FBXL13: variants seen among roughly 807,000 people sequenced by gnomAD.
FBXL13 encodes F-box and leucine-rich repeat protein 13.
A neutral mutation model predicts 83.6 loss-of-function variants in FBXL13; 67 were observed. That is an observed-to-expected ratio of 0.80 (90% CI 0.66 to 0.98). The LOEUF (loss-of-function observed/expected upper bound fraction) is 0.98. Among genes scored for constraint, FBXL13 ranks in the 50% least tolerant of loss-of-function variants. FBXL13 has a pLI of 0.00. For synonymous variants in FBXL13, 272 were observed against 299.5 expected (o/e 0.91, Z 0.95); for missense variants, 822 against 866.5 (o/e 0.95, Z 0.64).
chr7:103,060,864 C>A (rs183471851), intron 1 of FBXL13, among the ~76,000 whole-genome samples: 55 of 152,328 alleles, frequency 3.6e-4, no homozygotes, highest in Non-Finnish European at 6.9e-4. Flanking sequence ...ATCCCCTACC[C>A]CAACCTCTGA....
intron 6 of FBXL13, among the ~76,000 whole-genome samples, chr7:103,018,892 C>G (rs1792742591): frequency 1.3e-5 from 2 of 151,114 alleles, no homozygotes; most frequent in Non-Finnish European, 2.9e-5. Flanking sequence ...CTTTAACACC[C>G]CACTGTCAAC....
chr7:102,980,537 C>A (rs140047032), intron 6 of FBXL13, among the ~76,000 whole-genome samples: 6 of 152,060 alleles, frequency 3.9e-5, no homozygotes, highest in Admixed American at 6.5e-5. Context: ...CAGCACTTTG[C>A]GAGGCTGAGG....
intron 16 of FBXL13, among the ~76,000 whole-genome samples, chr7:102,862,392 T>A (rs1256346384): frequency 6.6e-6 from 1 of 151,868 alleles, no homozygotes; most frequent in African/African-American, 2.4e-5. Flanking sequence ...ATGAATATGT[T>A]TTTTCATTAT....
At chr7:103,013,822 C>A (rs1352403847) in intron 6 of FBXL13, among the ~76,000 whole-genome samples, 3 of 150,636 alleles carry the variant, frequency 2.0e-5, no homozygotes, top group Non-Finnish European at 3.0e-5. Flanking sequence ...CAAAAAAAAA[C>A]CATACAAAAA....
chr7:102,899,519 C>G (rs567528974), intron 11 of FBXL13, among the ~76,000 whole-genome samples: 1 of 152,252 alleles, frequency 6.6e-6, no homozygotes, highest in South Asian at 2.1e-4. Flanking sequence ...ACGCTCCAGG[C>G]CCTGCAAACT....
chr7:102,890,381 C>T (rs1279806994), intron 11 of FBXL13, among the ~76,000 whole-genome samples: 1 of 152,170 alleles, frequency 6.6e-6, no homozygotes, highest in East Asian at 1.9e-4. Context: ...TGGAGCCCTG[C>T]CACCCTGTCC....
At chr7:102,924,473 A>T (rs1817675117) in intron 10 of FBXL13, among the ~76,000 whole-genome samples, 1 of 152,116 alleles carries the variant, frequency 6.6e-6, no homozygotes, top group South Asian at 2.1e-4. Context: ...GAGCATCAGA[A>T]GAAATTTCAA....
At chr7:103,041,924 G>A (rs1007742949) in intron 2 of FBXL13, among the ~76,000 whole-genome samples, 1 of 152,170 alleles carries the variant, frequency 6.6e-6, no homozygotes, top group Non-Finnish European at 1.5e-5. Flanking sequence ...AGACAAGGAT[G>A]CCCTCTCTCA....
At chr7:102,960,004 T>C (rs543738080) in intron 8 of FBXL13, among the ~76,000 whole-genome samples, 2 of 152,254 alleles carry the variant, frequency 1.3e-5, no homozygotes, top group Admixed American at 6.5e-5. Context: ...AAATGTATTT[T>C]AGAAAAACAG....
chr7:102,946,654 AT>A (rs767016373), intron 8 of FBXL13, among the ~76,000 whole-genome samples: 1 of 5,630 alleles, frequency 1.8e-4, no homozygotes, highest in Admixed American at 3.3e-3. Context: ...TTTTTATTTT[AT>A]TTATTTATTT....
At chr7:102,881,953 C>A (rs1198558410) in intron 14 of FBXL13, among the ~76,000 whole-genome samples, 1 of 152,114 alleles carries the variant, frequency 6.6e-6, no homozygotes, top group Non-Finnish European at 1.5e-5. Flanking sequence ...TAATAACAGG[C>A]AACATAGGTT....
chr7:103,022,445 G>A (rs973051263), intron 6 of FBXL13, among the ~76,000 whole-genome samples: 11 of 151,768 alleles, frequency 7.2e-5, no homozygotes, highest in Non-Finnish European at 1.0e-4. Context: ...AAACCTGCAC[G>A]TTGTGCACAT....
At chr7:102,966,865 A>C (rs1826017437) in intron 7 of FBXL13, among the ~76,000 whole-genome samples, 1 of 152,202 alleles carries the variant, frequency 6.6e-6, no homozygotes, top group Non-Finnish European at 1.5e-5. Context: ...AGTATTAGCA[A>C]TATTATTTAT....
intron 1 of FBXL13, among the ~76,000 whole-genome samples, chr7:103,060,039 T>C (rs1163744689): frequency 9.1e-4 from 86 of 95,010 alleles, no homozygotes; most frequent in African/African-American, 4.2e-3. Context: ...TATATATATA[T>C]ATATATATAT....
chr7:102,826,331 C>T (rs1799615773), intron 18 of FBXL13, among the ~76,000 whole-genome samples: 1 of 152,034 alleles, frequency 6.6e-6, no homozygotes, highest in Admixed American at 6.5e-5. Context: ...AAATCTAATG[C>T]AGTAAGAAAT....
chr7:102,987,948 G>A (rs1829165023), intron 6 of FBXL13: 1 of 152,190 alleles, frequency 6.6e-6, no homozygotes, highest in Non-Finnish European at 1.5e-5. Flanking sequence ...TTACAAGAGA[G>A]TGATGGCTGG....
intron 8 of FBXL13, among the ~76,000 whole-genome samples, chr7:102,956,344 TA>T (rs750987740): frequency 6.6e-5 from 10 of 151,832 alleles, no homozygotes; most frequent in Non-Finnish European, 1.5e-4. Flanking sequence ...CCCTTCATGC[TA>T]AAAACTCTCA....
chr7:102,889,817 T>C (rs1353662059), intron 11 of FBXL13, among the ~76,000 whole-genome samples: 2 of 152,126 alleles, frequency 1.3e-5, no homozygotes, highest in East Asian at 1.9e-4. Flanking sequence ...AACATTAATA[T>C]CTCTAATAAT....
chr7:103,037,567 G>A lies in FBXL13; in HGVS notation c.1-8149C>T, dbSNP rs76105685. ...CGCCTATAATCCTAGCACTTTGGGA[G>A]GCTGAGGTAGGAAGATCTCTTGAGG... On this transcript the variant is annotated intron_variant, in intron 2 of 19. Transcript: ENST00000313221. 7.4e-3 allele frequency among the ~76,000 whole-genome samples: 1,119 copies of A among 152,132 alleles called. 78 individuals are homozygous for A. In the East Asian group the frequency reaches 0.16, roughly 21 times the overall value.
Sources: allele counts gnomAD v4.1 joint callset (sites outside exome capture counted in the v4.1 genomes callset), GRCh38; gene constraint gnomAD v4.1.1; transcripts MANE v1.5; gene names NCBI Gene and HGNC (gene_info 2026-07-23, HGNC 2026-07-21).